The following STK3 variants were observed in gnomAD, a reference collection of about 807,000 sequenced individuals.
The protein encoded by STK3 is serine/threonine-protein kinase 3.
Under a neutral mutation model 58.0 loss-of-function variants are expected in STK3, and 41 were observed. The observed-to-expected ratio is 0.71, with a 90% CI of 0.55 to 0.92. STK3 has a LOEUF of 0.92. STK3 is among the 40% of genes least tolerant of loss of function. The pLI is 0.00. For missense variants in STK3, 479 were observed against 602.7 expected (o/e 0.79, Z 2.15); for synonymous variants, 170 against 191.0 (o/e 0.89, Z 0.91).
chr8:98,448,833 A>G (rs1041837388), intron 1 of STK3, among the ~76,000 whole-genome samples: 1 of 152,220 alleles, frequency 6.6e-6, no homozygotes, highest in Non-Finnish European at 1.5e-5. Flanking sequence ...ATCATGCTAA[A>G]AACTATTTTT....
chr8:98,798,079 A>G (rs923946565), intron 1 of STK3, among the ~76,000 whole-genome samples: 103 of 152,328 alleles, frequency 6.8e-4, no homozygotes, highest in African/African-American at 2.4e-3. Flanking sequence ...GGCTAAGCTC[A>G]AGATGAAGCC....
chr8:98,706,481 T>C lies in STK3; in HGVS notation c.670A>G (p.Ile224Val). The C allele has an allele frequency of 6.2e-7, 1 of 1,611,950 alleles. No individual in the cohort carries two copies. The highest frequency in any genetic ancestry group is 8.5e-7 in the Non-Finnish European group (1 of 1,179,276). Residue 224 changes from isoleucine (I) to valine (V), a missense_variant, in exon 6 of 11, where the codon ATA becomes GTA. Physicochemically the swap from Ile to Val is conservative, Grantham distance 29. This residue lies in a region of STK3 where 309 missense variants were observed against 355.7 expected (regional missense o/e 0.87). Transcript: ENST00000419617. Reference sequence around the variant, plus strand: ...AATTTTCTTACCCTCATTGGATGTATATCAGCATAAGGAGGTTTTCCTTCA... The same window carrying C: ...AATTTTCTTACCCTCATTGGATGTACATCAGCATAAGGAGGTTTTCCTTCA... ...MAEGKPPYAD[I>V]HPMRAIFMIP...
At chr8:98,793,740 A>G (rs574111702) in intron 1 of STK3, among the ~76,000 whole-genome samples, 58 of 152,214 alleles carry the variant, frequency 3.8e-4, no homozygotes, top group Admixed American at 9.8e-4. Flanking sequence ...CACTGAAGAT[A>G]CACTGTTCTC....
At chr8:98,794,050 A>C (rs549038275) in intron 1 of STK3, among the ~76,000 whole-genome samples, 1 of 152,220 alleles carries the variant, frequency 6.6e-6, no homozygotes, top group Non-Finnish European at 1.5e-5. Context: ...TATAAACAGG[A>C]AAGTTTACAA....
At chr8:98,903,556 C>CTTCTTCTTCTT (rs200556218) in intron 1 of STK3, among the ~76,000 whole-genome samples, 830 of 50,510 alleles carry the variant, frequency 0.016, 49 homozygotes, top group East Asian at 0.028. Context: ...TCTTCTTCTT[C>CTTCTTCTTCTT]CTTTTTTTTT....
chr8:98,392,470 T>C (rs1342046218), upstream of STK3, among the ~76,000 whole-genome samples: 3 of 151,946 alleles, frequency 2.0e-5, no homozygotes, highest in East Asian at 5.8e-4. Context: ...GAAACCGAGA[T>C]GAATTGTTCC....
chr8:98,569,560 G>A (rs1812785626), intron 8 of STK3, among the ~76,000 whole-genome samples: 1 of 151,598 alleles, frequency 6.6e-6, no homozygotes, highest in Non-Finnish European at 1.5e-5. Flanking sequence ...CAGAGAGTTT[G>A]GGAATATAGC....
rs1460912321 is a variant in STK3, at chr8:98,900,076, T to C, written c.-78-16242A>G. Among the ~76,000 whole-genome samples the C allele has an allele frequency of 2.6e-5, 4 of 152,278 alleles. No homozygotes were observed. In the East Asian group the frequency reaches 7.7e-4, roughly 29 times the overall value. On this transcript the variant is annotated intron_variant, in intron 1 of 1. Transcript: ENST00000519420. Reference sequence around the variant, plus strand: ...CTGGTTTCCTTGATTTCCAGTCTGCTATTTATTTATTTATTTTTGAGACAG... The same window carrying C: ...CTGGTTTCCTTGATTTCCAGTCTGCCATTTATTTATTTATTTTTGAGACAG...
chr8:98,676,148 C>T (rs1823193083), intron 6 of STK3, among the ~76,000 whole-genome samples: 1 of 151,990 alleles, frequency 6.6e-6, no homozygotes, highest in Admixed American at 6.6e-5. Flanking sequence ...CATGAGGTAC[C>T]CAGAATAGTC....
chr8:98,789,111 T>G (rs965223189), intron 1 of STK3, among the ~76,000 whole-genome samples: 14 of 152,150 alleles, frequency 9.2e-5, no homozygotes, highest in African/African-American at 3.1e-4. Flanking sequence ...AAAAGGAAAC[T>G]TCAAAATCAT....
At chr8:98,884,919 G>A (rs1434355969) in intron 1 of STK3, among the ~76,000 whole-genome samples, 1 of 152,158 alleles carries the variant, frequency 6.6e-6, no homozygotes, top group Non-Finnish European at 1.5e-5. Flanking sequence ...ATGATGCTGG[G>A]AACCATTGTT....
chr8:98,462,504 C>T (rs536271274), intron 10 of STK3, among the ~76,000 whole-genome samples: 10 of 152,152 alleles, frequency 6.6e-5, no homozygotes, highest in South Asian at 6.2e-4. Context: ...TACTCATCTC[C>T]GAACCTACTA....
At chr8:98,546,904 C>T (rs1341558653) in intron 9 of STK3, among the ~76,000 whole-genome samples, 1 of 152,108 alleles carries the variant, frequency 6.6e-6, no homozygotes, top group Non-Finnish European at 1.5e-5. Flanking sequence ...TAGTGGGCTA[C>T]ACAGAACTAG....
chr8:98,868,103 A>T (rs940999327), intron 3 of STK3, among the ~76,000 whole-genome samples: 4 of 152,188 alleles, frequency 2.6e-5, no homozygotes. Flanking sequence ...CTCCTGAAAT[A>T]CGAAAGGGAA....
intron 9 of STK3, among the ~76,000 whole-genome samples, chr8:98,537,767 A>C (rs1254320657): frequency 6.6e-6 from 1 of 152,172 alleles, no homozygotes; most frequent in Non-Finnish European, 1.5e-5. Flanking sequence ...ATGGAACTAA[A>C]AACCTATTAG....
At chr8:98,650,624 T>C (rs1207233806) in intron 6 of STK3, among the ~76,000 whole-genome samples, 2 of 152,150 alleles carry the variant, frequency 1.3e-5, no homozygotes, top group East Asian at 3.9e-4. Context: ...GAAAAGCGGG[T>C]CACTCCCACC....
At chr8:98,887,853 A>G (rs1484423624) in intron 1 of STK3, among the ~76,000 whole-genome samples, 2 of 152,220 alleles carry the variant, frequency 1.3e-5, no homozygotes, top group East Asian at 3.8e-4. Context: ...CCACAAAGCC[A>G]AGCAGCTATG....
chr8:98,687,367 G>A (rs758912696), intron 6 of STK3, among the ~76,000 whole-genome samples: 2 of 152,190 alleles, frequency 1.3e-5, no homozygotes, highest in Admixed American at 1.3e-4. Flanking sequence ...TCCCTTGCAC[G>A]TGCAGTTCAC....
At chr8:98,648,297 T>C (rs1230280478) in intron 6 of STK3, among the ~76,000 whole-genome samples, 1 of 152,222 alleles carries the variant, frequency 6.6e-6, no homozygotes, top group Non-Finnish European at 1.5e-5. Flanking sequence ...TACACAGAAC[T>C]CCATTCTTTT....
Sources: allele counts gnomAD v4.1 joint callset (sites outside exome capture counted in the v4.1 genomes callset), GRCh38; gene constraint gnomAD v4.1.1; regional missense constraint gnomAD v4.1.1; transcripts MANE v1.5; gene names NCBI Gene and HGNC (gene_info 2026-07-23, HGNC 2026-07-21).